Variants in DENND1A observed in about 807,000 individuals in gnomAD.
DENND1A encodes DENN domain containing 1A.
In DENND1A, 51 loss-of-function variants were observed where a neutral mutation model predicts 113.7. The observed-to-expected ratio is 0.45, with a 90% CI of 0.36 to 0.57. The LOEUF is 0.57. Ranked by LOEUF, DENND1A falls within the 20% of genes least tolerant of loss-of-function variation. The pLI is 0.00. For synonymous variants in DENND1A, 565 were observed against 570.8 expected (o/e 0.99, Z 0.14); for missense variants, 1,258 against 1,395.9 (o/e 0.90, Z 1.57).
chr9:123,533,991 T>C (rs2055536552), intron 13 of DENND1A, among the ~76,000 whole-genome samples: 1 of 152,210 alleles, frequency 6.6e-6, no homozygotes, highest in Admixed American at 6.5e-5. Flanking sequence ...AAACATGATA[T>C]TATGAAAGAC....
intron 13 of DENND1A, among the ~76,000 whole-genome samples, chr9:123,514,823 C>A (rs568984826): frequency 6.6e-6 from 1 of 152,188 alleles, no homozygotes; most frequent in South Asian, 2.1e-4. Flanking sequence ...ATCAGTAATA[C>A]CAAGTAGGAA....
intron 13 of DENND1A, among the ~76,000 whole-genome samples, chr9:123,511,418 T>G (rs1410414774): frequency 6.6e-6 from 1 of 152,232 alleles, no homozygotes; most frequent in Non-Finnish European, 1.5e-5. Context: ...ACAGTGCAGT[T>G]GCCTGTTGCA....
Position 123,382,318 on chromosome 9 carries a change from G to A in DENND1A, c.2327C>T (p.Pro776Leu). 6.2e-7 allele frequency: 1 copy of A among 1,610,290 alleles called. No individual in the cohort carries two copies. Among genetic ancestry groups the A allele is most frequent in the Non-Finnish European group, 8.5e-7 (1 of 1,179,088 alleles). Residue 776 changes from proline to leucine, a missense_variant, in exon 24 of 24, where the codon CCA (proline) becomes CTA (leucine). By Grantham distance (98) the Pro-to-Leu change is moderately conservative. Around this residue, in one of 2 missense-constraint regions of DENND1A, gnomAD observed 1,159 missense variants for 1,231.7 expected, o/e 0.94. Transcript: ENST00000394215. ...CTTGGCCGGGCGGGGAATGGGCGGT[G>A]GAGGCACGATGCCCAGCTCTGGGGT... Reference protein sequence around the residue: ...RKTPELGIVPPPPIPRPAKLQ... With the variant: ...RKTPELGIVPLPPIPRPAKLQ...
chr9:123,400,963 A>G (rs1302843596), intron 21 of DENND1A: 1 of 152,190 alleles, frequency 6.6e-6, no homozygotes, highest in Non-Finnish European at 1.5e-5. Context: ...CAGTCTTCTA[A>G]GTTTCCCAAG....
chr9:123,432,697 G>A (rs115256820), intron 19 of DENND1A, among the ~76,000 whole-genome samples: 1,780 of 152,342 alleles, frequency 0.012, 34 homozygotes, highest in African/African-American at 0.039. Flanking sequence ...GACTGTGGGC[G>A]CGTGACTGGG....
chr9:123,738,988 CA>C (rs1417348252), intron 5 of DENND1A, among the ~76,000 whole-genome samples: 1 of 152,150 alleles, frequency 6.6e-6, no homozygotes, highest in Admixed American at 6.5e-5. Context: ...TACATATACA[CA>C]AAAAAGGAGC....
chr9:123,812,066 T>C (rs1315988062), intron 2 of DENND1A, among the ~76,000 whole-genome samples: 1 of 152,136 alleles, frequency 6.6e-6, no homozygotes, highest in Non-Finnish European at 1.5e-5. Context: ...CCACCCCTTA[T>C]CCCATTATCC....
At chr9:123,677,141 T>C (rs993483260) in intron 5 of DENND1A, among the ~76,000 whole-genome samples, 7 of 151,964 alleles carry the variant, frequency 4.6e-5, no homozygotes, top group African/African-American at 1.7e-4. Context: ...TTCTATTCAG[T>C]TTCTCATGAT....
chr9:123,645,139 G>T (rs2062246052), intron 9 of DENND1A, among the ~76,000 whole-genome samples: 1 of 152,164 alleles, frequency 6.6e-6, no homozygotes, highest in Non-Finnish European at 1.5e-5. Context: ...ATATCACAAT[G>T]TTATTGACCG....
chr9:123,529,515 AGAGAC>A (rs1466164112), intron 13 of DENND1A, among the ~76,000 whole-genome samples: 1 of 152,234 alleles, frequency 6.6e-6, no homozygotes, highest in Non-Finnish European at 1.5e-5. Context: ...GCTACCGAGA[AGAGAC>A]AAGTGGTATA....
At chr9:123,517,490 G>T (rs554263535) in intron 13 of DENND1A, among the ~76,000 whole-genome samples, 137 of 152,002 alleles carry the variant, frequency 9.0e-4, no homozygotes, top group Non-Finnish European at 1.5e-3. Flanking sequence ...GCATGGTGGT[G>T]CGCCTGAATT....
intron 5 of DENND1A, among the ~76,000 whole-genome samples, chr9:123,690,046 AAGGAAAGG>A (rs1467645855): frequency 4.0e-4 from 50 of 125,858 alleles, no homozygotes; most frequent in Non-Finnish European, 7.5e-4. Flanking sequence ...AGGAGGGAAG[AAGGAAAGG>A]AGGGAGGGAG....
rs117436484 is a variant in DENND1A, at chr9:123,525,123, G to A, written c.993+32447C>T. ...CTGAGGCTCCGAAAAAGGAGGAGACGTGTTCGAGGTCACACTGCAAGTGAG... is the reference window on the plus strand; with the variant it reads ...CTGAGGCTCCGAAAAAGGAGGAGACATGTTCGAGGTCACACTGCAAGTGAG... On this transcript the variant is annotated intron_variant, in intron 13 of 23. Coordinates refer to ENST00000394215, the MANE Select transcript of DENND1A (RefSeq NM_001352964.2). 4.6e-3 allele frequency among the ~76,000 whole-genome samples: 708 copies of A among 152,330 alleles called. 5 individuals carry two copies. The highest frequency in any genetic ancestry group is 8.3e-3 in the Non-Finnish European group (562 of 68,030).
At chr9:123,454,621 G>A (rs1211747282) in intron 16 of DENND1A, 118 bp downstream of exon 16, 3 of 1,013,266 alleles carry the variant, frequency 3.0e-6, no homozygotes, top group African/African-American at 1.6e-5. Flanking sequence ...ACAAACAAAG[G>A]CATCTCCAGC....
intron 13 of DENND1A, among the ~76,000 whole-genome samples, chr9:123,494,314 T>A (rs1438593540): frequency 6.6e-6 from 1 of 152,204 alleles, no homozygotes; most frequent in Non-Finnish European, 1.5e-5. Flanking sequence ...CTCCTGGTTT[T>A]GCCATTCCCC....
intron 5 of DENND1A, among the ~76,000 whole-genome samples, chr9:123,733,825 C>T (rs1343197709): frequency 6.6e-6 from 1 of 151,466 alleles, no homozygotes; most frequent in African/African-American, 2.4e-5. Context: ...GCCACCATGA[C>T]CAGCTAATTT....
chr9:123,452,419 C>T, intron 16 of DENND1A, 72 bp from the exon 17 acceptor site: 2 of 1,232,472 alleles, frequency 1.6e-6, no homozygotes, highest in Non-Finnish European at 2.4e-6. Flanking sequence ...GACTGCTTCT[C>T]TTCAATCGAG....
intron 3 of DENND1A, among the ~76,000 whole-genome samples, chr9:123,784,883 C>T (rs957501908): frequency 6.6e-6 from 1 of 152,102 alleles, no homozygotes; most frequent in Admixed American, 6.6e-5. Flanking sequence ...AAAGAAGAGC[C>T]TTAAGTCAGA....
intron 13 of DENND1A, among the ~76,000 whole-genome samples, chr9:123,517,059 T>G (rs961367829): frequency 6.6e-6 from 1 of 151,724 alleles, no homozygotes; most frequent in Non-Finnish European, 1.5e-5. Flanking sequence ...CAATGAATCT[T>G]TATATATAAG....
Sources: gnomAD v4.1 joint callset for allele counts (sites outside exome capture counted in the v4.1 genomes callset) on GRCh38, gnomAD v4.1.1 for gene constraint, gnomAD v4.1.1 regional missense constraint, MANE v1.5 for transcripts, NCBI Gene and HGNC (gene_info 2026-07-23, HGNC 2026-07-21) for gene names.